ZNF658: variants seen among roughly 807,000 people sequenced by gnomAD.
ZNF658 encodes zinc finger protein 658.
In ZNF658, 46 loss-of-function variants were observed where a neutral mutation model predicts 78.0. The observed-to-expected ratio is 0.59, with a 90% CI of 0.47 to 0.75. The LOEUF is 0.75. Ranked by LOEUF, ZNF658 falls within the 30% of genes least tolerant of loss-of-function variation. The probability of loss-of-function intolerance (pLI) is 0.00; values close to 1 mark genes in which losing one functional copy is unlikely to be tolerated. For synonymous variants in ZNF658, 279 were observed against 408.4 expected (o/e 0.68, Z 3.82); for missense variants, 785 against 1,189.3 (o/e 0.66, Z 5.00).
chr9:66,906,644 G>A (rs1386593776), intron 2 of ZNF658, among the ~76,000 whole-genome samples: 3 of 152,030 alleles, frequency 2.0e-5, no homozygotes, highest in Admixed American at 6.6e-5. Flanking sequence ...GATTTTCTGG[G>A]AGTGAGGCTT....
chr9:66,906,219 C>T (rs1156699720), intron 2 of ZNF658, among the ~76,000 whole-genome samples: 3 of 149,810 alleles, frequency 2.0e-5, no homozygotes, highest in South Asian at 2.1e-4. Flanking sequence ...TTTATAACCC[C>T]ATGTTAACCT....
intron 6 of ZNF658, among the ~76,000 whole-genome samples, chr9:66,928,634 C>T (rs75674776): frequency 0.034 from 5,156 of 150,790 alleles, 170 homozygotes; most frequent in East Asian, 0.21. Flanking sequence ...GGACAGATCA[C>T]GAGGTCAGGA....
At chr9:66,905,750 A>T (rs1055485795) in intron 2 of ZNF658, among the ~76,000 whole-genome samples, 4 of 146,902 alleles carry the variant, frequency 2.7e-5, no homozygotes, top group Non-Finnish European at 4.5e-5. Flanking sequence ...CTGTTTATTT[A>T]TATCCTTTAT....
At chr9:66,908,549 C>T in intron 3 of ZNF658, 90 bp from the exon 4 acceptor site, 1 of 1,478,608 alleles carries the variant, frequency 6.8e-7, no homozygotes, top group Non-Finnish European at 9.0e-7. Context: ...AATGAACACC[C>T]TCAGTTAATG....
chr9:66,911,011 A>T (rs1257893140), intron 4 of ZNF658, among the ~76,000 whole-genome samples: 11 of 150,144 alleles, frequency 7.3e-5, no homozygotes, highest in Admixed American at 3.4e-4. Context: ...TAAAACATAA[A>T]ATAATGGAGT....
chr9:66,918,642 C>A lies in ZNF658; in HGVS notation c.1076C>A (p.Thr359Lys), dbSNP rs779612486. Reference sequence around the variant, plus strand: ...AAATTTGGTGAACATAATGAATGTACAGATGCCCTCTACCAGAAATTAGAC... The same window carrying A: ...AAATTTGGTGAACATAATGAATGTAAAGATGCCCTCTACCAGAAATTAGAC... ...GDKFGEHNEC[T>K]DALYQKLDFT... is the part of the protein sequence containing the mutation. The change falls in exon 5 of 5, where the codon ACA becomes AAA. Residue 359 changes from threonine to lysine, a missense_variant. Transcript: ENST00000621410. 1 of 1,613,382 alleles carries A rather than the reference C, an allele frequency of 6.2e-7. No homozygotes were observed. Among genetic ancestry groups the A allele is most frequent in the East Asian group, 2.2e-5 (1 of 44,842 alleles).
chr9:66,927,028 G>T (rs1218919025), intron 6 of ZNF658, among the ~76,000 whole-genome samples: 1 of 151,914 alleles, frequency 6.6e-6, no homozygotes, highest in Non-Finnish European at 1.5e-5. Context: ...CTGGATCCTT[G>T]TCTTATACCA....
chr9:66,927,775 C>A, intron 6 of ZNF658, among the ~76,000 whole-genome samples: 1 of 148,134 alleles, frequency 6.8e-6, no homozygotes, highest in Admixed American at 6.8e-5. Context: ...GTATAATTTG[C>A]TTATCTTAGA....
chr9:66,918,343 C>A lies in ZNF658; in HGVS notation c.777C>A (p.Asn259Lys), dbSNP rs1460396854. 1 of 1,613,876 alleles carries A rather than the reference C, an allele frequency of 6.2e-7. No homozygotes were observed. Among genetic ancestry groups the A allele is most frequent in the Admixed American group, 1.7e-5 (1 of 60,006 alleles). Residue 259 changes from asparagine (N) to lysine (K), a missense_variant, in exon 5 of 5, where the codon AAC becomes AAA. Coordinates refer to ENST00000621410, the MANE Select transcript of ZNF658 (RefSeq NM_033160.7). ...ACTTTGATAAAATCACTTTATTTAA[C>A]CACATGAGAACTGACACAAGGGGGA... ...RKNFDKITLF[N>K]HMRTDTRGKC...
intron 2 of ZNF658, among the ~76,000 whole-genome samples, chr9:66,905,110 C>T (rs1170476979): frequency 2.7e-5 from 3 of 112,572 alleles, no homozygotes; most frequent in South Asian, 3.0e-4. Flanking sequence ...GTCTCTCGCT[C>T]TGTCACCCAG....
chr9:66,914,613 A>G (rs889880802), intron 4 of ZNF658, among the ~76,000 whole-genome samples: 12 of 152,144 alleles, frequency 7.9e-5, no homozygotes, highest in Admixed American at 2.6e-4. Flanking sequence ...AAATTAATAA[A>G]TGGATTTTGA....
chr9:66,917,297 C>T (rs564741195), intron 4 of ZNF658, among the ~76,000 whole-genome samples: 1 of 146,602 alleles, frequency 6.8e-6, no homozygotes, highest in African/African-American at 2.6e-5. Flanking sequence ...ACTACTCCAC[C>T]TTGACTGGCC....
chr9:66,929,753 A>T (rs1822621915), intron 6 of ZNF658, among the ~76,000 whole-genome samples: 1 of 76,772 alleles, frequency 1.3e-5, no homozygotes, highest in Non-Finnish European at 2.8e-5. Context: ...AGATATTAAC[A>T]GTTTAGAGTT....
At chr9:66,909,291 A>T (rs1337330190) in intron 4 of ZNF658, among the ~76,000 whole-genome samples, 2 of 151,592 alleles carry the variant, frequency 1.3e-5, no homozygotes, top group South Asian at 4.2e-4. Context: ...ACCACAGTCT[A>T]CTTCTGTGTC....
At chr9:66,902,385 T>C (rs555388080) in intron 1 of ZNF658, among the ~76,000 whole-genome samples, 1 of 118,406 alleles carries the variant, frequency 8.4e-6, no homozygotes, top group South Asian at 2.7e-4. Context: ...ACTCCCTATA[T>C]ATGCATCAGA....
chr9:66,910,084 G>A (rs936153404), intron 4 of ZNF658, among the ~76,000 whole-genome samples: 2 of 152,104 alleles, frequency 1.3e-5, no homozygotes, highest in African/African-American at 2.4e-5. Flanking sequence ...CCTTCCCTGT[G>A]ACCTCATTTT....
At chr9:66,916,272 A>T (rs1387156655) in intron 4 of ZNF658, among the ~76,000 whole-genome samples, 1 of 152,182 alleles carries the variant, frequency 6.6e-6, no homozygotes, top group African/African-American at 2.4e-5. Flanking sequence ...TTTTGTTTAC[A>T]TTCACTTCAA....
In ZNF658 at chr9:66,918,554, T is replaced by G; in HGVS notation, c.988T>G (p.Cys330Gly). Residue 330 changes from cysteine (C) to glycine (G), a missense_variant, in exon 5 of 5, where the codon TGT (cysteine) becomes GGT (glycine). By Grantham distance (159) the Cys-to-Gly change is radical (BLOSUM62 -3). Coordinates refer to ENST00000621410, the MANE Select transcript of ZNF658 (RefSeq NM_033160.7). ...ATGGAGTGCTTTTGAAAGCAATAAA[T>G]GTGAAGAAAATTTTAGCCAGAGCTC... ...TGWSAFESNKCEENFSQSSAH... is the reference protein window; with the variant it reads ...TGWSAFESNKGEENFSQSSAH... The G allele has an allele frequency of 6.2e-7, 1 of 1,607,894 alleles. No individual in the cohort carries two copies. Among genetic ancestry groups the G allele is most frequent in the Non-Finnish European group, 8.5e-7 (1 of 1,175,520 alleles).
At chr9:66,913,675 G>T (rs1185562042) in intron 4 of ZNF658, among the ~76,000 whole-genome samples, 1 of 150,524 alleles carries the variant, frequency 6.6e-6, no homozygotes, top group Non-Finnish European at 1.5e-5. Flanking sequence ...AACAGATTTA[G>T]GAATCCTATT....
Sources: allele counts gnomAD v4.1 joint callset (sites outside exome capture counted in the v4.1 genomes callset), GRCh38; gene constraint gnomAD v4.1.1; transcripts MANE v1.5; gene names NCBI Gene and HGNC (gene_info 2026-07-23, HGNC 2026-07-21).